Variants in IGFBP7 observed in about 807,000 individuals in gnomAD.
IGFBP7 encodes the protein insulin-like growth factor-binding protein 7.
IGFBP7 carries 31 observed loss-of-function variants against 29.4 expected under a neutral mutation model. The ratio of observed to expected loss-of-function variants is 1.05; its 90% CI spans 0.79 to 1.42. The LOEUF (loss-of-function observed/expected upper bound fraction) is 1.42. Among genes scored for constraint, IGFBP7 ranks in the 40% most tolerant of loss-of-function variants. The pLI is 0.00. For missense variants in IGFBP7, 393 were observed against 395.5 expected, an observed-to-expected ratio of 0.99 and a Z score of 0.05; for synonymous variants, 172 against 174.9, an observed-to-expected ratio of 0.98 and a Z score of 0.13.
chr4:57,079,363 C>T lies in IGFBP7; in HGVS notation c.475+30514G>A, dbSNP rs938266233. Reference sequence around the variant, plus strand: ...CACCTTTCAACACTGCTGGCTGAGACGCAAATAGAACCATTTCAGTTTTCC... The same window carrying T: ...CACCTTTCAACACTGCTGGCTGAGATGCAAATAGAACCATTTCAGTTTTCC... On this transcript the variant is annotated intron_variant, in intron 1 of 4. Transcript: ENST00000295666. Among the ~76,000 whole-genome samples the T allele has an allele frequency of 1.4e-4, 21 of 151,934 alleles. 1 individual carries two copies. The highest frequency in any genetic ancestry group is 5.1e-4 in the African/African-American group (21 of 41,432).
At position 57,040,710 on chromosome 4, in the gene IGFBP7, C is replaced by T. The variant is rs1359659213; in HGVS notation, c.585+114G>A. 3.8e-6 allele frequency: 3 copies of T among 799,074 alleles called. No homozygotes were observed. The East Asian group carries it at 7.9e-5, about 21-fold the overall frequency. 49.5% of individuals were successfully genotyped at this position (799,074 alleles called of 1,614,324 possible). A position where few individuals can be genotyped will look rare whatever the true frequency, so the allele number is the denominator to read the frequency against. On this transcript the variant is annotated intron_variant, in intron 2 of 4. Transcript: ENST00000295666. ...CTGTATGACTGCCCTAAGGCTTCACCTTGCGGGAGCCGCAGTCAACAAAGC... is the reference window on the plus strand; with the variant it reads ...CTGTATGACTGCCCTAAGGCTTCACTTTGCGGGAGCCGCAGTCAACAAAGC...
intron 2 of IGFBP7, among the ~76,000 whole-genome samples, chr4:57,039,652 T>C (rs1724172156): frequency 6.6e-6 from 1 of 150,544 alleles, no homozygotes; most frequent in African/African-American, 2.5e-5. Context: ...TCTTTTTTTT[T>C]TTTTTTTTTT....
At chr4:57,077,541 G>T (rs1725257386) in intron 1 of IGFBP7, among the ~76,000 whole-genome samples, 1 of 152,290 alleles carries the variant, frequency 6.6e-6, no homozygotes, top group South Asian at 2.1e-4. Flanking sequence ...GCATCCCAAA[G>T]TGCTAGGGTT....
chr4:57,065,154 T>A (rs565373622), intron 1 of IGFBP7, among the ~76,000 whole-genome samples: 1 of 152,260 alleles, frequency 6.6e-6, no homozygotes, highest in Non-Finnish European at 1.5e-5. Context: ...GAACTCCCCA[T>A]GTGGCCTCGG....
intron 1 of IGFBP7, among the ~76,000 whole-genome samples, chr4:57,076,482 A>G (rs1011689657): frequency 1.3e-5 from 2 of 152,174 alleles, no homozygotes; most frequent in Admixed American, 6.5e-5. Context: ...CCCTGACATC[A>G]GTGAAGCCAG....
At chr4:57,064,317 A>T (rs1050206413) in intron 1 of IGFBP7, among the ~76,000 whole-genome samples, 13 of 152,330 alleles carry the variant, frequency 8.5e-5, no homozygotes, top group African/African-American at 3.1e-4. Context: ...GTGAGCTGAG[A>T]TTGCACCACT....
At chr4:57,032,775 T>C (rs1723969693) in intron 3 of IGFBP7, among the ~76,000 whole-genome samples, 2 of 152,236 alleles carry the variant, frequency 1.3e-5, no homozygotes, top group Admixed American at 6.5e-5. Context: ...CTTTTGATCA[T>C]ACTGCATAGG....
intron 1 of IGFBP7, among the ~76,000 whole-genome samples, chr4:57,052,353 AGG>A (rs1447598922): frequency 1.3e-5 from 2 of 152,174 alleles, no homozygotes; most frequent in Non-Finnish European, 2.9e-5. Context: ...GGATTGAAGA[AGG>A]GGAAAGGGTG....
At chr4:57,098,541 T>C (rs2109801819) in intron 1 of IGFBP7, among the ~76,000 whole-genome samples, 1 of 152,274 alleles carries the variant, frequency 6.6e-6, no homozygotes, top group Admixed American at 6.5e-5. Flanking sequence ...GATCAACTTT[T>C]CCGTCCTGCT....
At chr4:57,041,926 G>A (rs557083602) in intron 1 of IGFBP7, among the ~76,000 whole-genome samples, 1 of 152,272 alleles carries the variant, frequency 6.6e-6, no homozygotes, top group South Asian at 2.1e-4. Flanking sequence ...GAGGCAGCTG[G>A]TAAGAAGGAA....
At chr4:57,078,582 C>T (rs901266066) in intron 1 of IGFBP7, among the ~76,000 whole-genome samples, 9 of 152,160 alleles carry the variant, frequency 5.9e-5, no homozygotes, top group Non-Finnish European at 8.8e-5. Flanking sequence ...TGAAGAGCTT[C>T]GCTCCTGCTT....
Position 57,031,207 on chromosome 4 carries a change from A to T in IGFBP7, c.*110T>A. On this transcript the variant is annotated 3_prime_UTR_variant, in exon 5 of 5. Coordinates refer to ENST00000295666, the MANE Select transcript of IGFBP7 (RefSeq NM_001553.3). ...ATTTCTCTGTGTAAAACCAGTGAAT[A>T]TAACTAAAGTGTTAGTGGATTGGAT... 1 of 928,146 alleles carries T rather than the reference A, an allele frequency of 1.1e-6. No individual in the cohort carries two copies. Among genetic ancestry groups the T allele is most frequent in the Non-Finnish European group, 1.7e-6 (1 of 574,602 alleles). The allele number at this position is 928,146 out of a possible 1,614,324, so 57.5% of individuals were successfully genotyped here. A position where few individuals can be genotyped will look rare whatever the true frequency, so the allele number is the denominator to read the frequency against.
intron 1 of IGFBP7, among the ~76,000 whole-genome samples, chr4:57,085,658 T>C (rs964467906): frequency 6.6e-6 from 1 of 152,194 alleles, no homozygotes; most frequent in Non-Finnish European, 1.5e-5. Context: ...TCTCTCACTC[T>C]TCTCTTATAT....
At chr4:57,068,619 C>T (rs1724976958) in intron 1 of IGFBP7, among the ~76,000 whole-genome samples, 1 of 152,038 alleles carries the variant, frequency 6.6e-6, no homozygotes, top group Non-Finnish European at 1.5e-5. Context: ...TATTATTTTC[C>T]ACAGAAAAAA....
intron 1 of IGFBP7, among the ~76,000 whole-genome samples, chr4:57,067,922 T>C (rs1465503335): frequency 6.6e-6 from 1 of 152,004 alleles, no homozygotes; most frequent in Non-Finnish European, 1.5e-5. Flanking sequence ...ATTGATAGGG[T>C]AGCGAAAAAT....
chr4:57,041,154 A>T lies in IGFBP7; in HGVS notation c.476-221T>A, dbSNP rs535386033. On this transcript the variant is annotated intron_variant, in intron 1 of 4. Transcript: ENST00000295666. ...TAAACAAACAAAAACAATTAGGAAG[A>T]AAAATGTGTTATTAAAATTTTCTTC... Among the ~76,000 whole-genome samples, 8 of 152,352 alleles carry T rather than the reference A, an allele frequency of 5.3e-5. No individual in the cohort carries two copies. In the South Asian group the frequency reaches 1.5e-3, roughly 28 times the overall value.
At chr4:57,107,634 C>T (rs1036802602) in intron 1 of IGFBP7, among the ~76,000 whole-genome samples, 1 of 152,208 alleles carries the variant, frequency 6.6e-6, no homozygotes, top group Non-Finnish European at 1.5e-5. Flanking sequence ...TAAATGGTCT[C>T]TGCCATTTAG....
intron 1 of IGFBP7, among the ~76,000 whole-genome samples, chr4:57,069,011 T>C (rs1196519625): frequency 8.0e-6 from 1 of 124,486 alleles, no homozygotes; most frequent in East Asian, 2.4e-4. Flanking sequence ...ATTGGAGAAA[T>C]TCTCTGAGCC....
chr4:57,033,387 A>G lies in IGFBP7; in HGVS notation c.586-76T>C, dbSNP rs1723996745. ...ACTTGGAAGTGGCCACATCCCTACAATTGCACATAGTGTATGTCAGACTTT... is the reference window on the plus strand; with the variant it reads ...ACTTGGAAGTGGCCACATCCCTACAGTTGCACATAGTGTATGTCAGACTTT... On this transcript the variant is annotated intron_variant, in intron 2 of 4. Coordinates refer to ENST00000295666, the MANE Select transcript of IGFBP7 (RefSeq NM_001553.3). The G allele has an allele frequency of 4.4e-6, 4 of 904,902 alleles. No individual in the cohort carries two copies. In the Admixed American group the frequency reaches 5.1e-5, roughly 11 times the overall value. The allele number at this position is 904,902 out of a possible 1,614,324, so 56.1% of individuals were successfully genotyped here. A position where few individuals can be genotyped will look rare whatever the true frequency, so the allele number is the denominator to read the frequency against.
Sources: gnomAD v4.1 joint callset for allele counts (sites outside exome capture counted in the v4.1 genomes callset) on GRCh38, gnomAD v4.1.1 for gene constraint, MANE v1.5 for transcripts, NCBI Gene and HGNC (gene_info 2026-07-23, HGNC 2026-07-21) for gene names.